Variants in RAB33A observed in about 807,000 individuals in gnomAD.
The protein encoded by RAB33A is ras-related protein Rab-33A.
Under a neutral mutation model 12.0 loss-of-function variants are expected in RAB33A, and 6 were observed. The ratio of observed to expected loss-of-function variants is 0.50; its 90% CI spans 0.27 to 0.99. The LOEUF (loss-of-function observed/expected upper bound fraction) is 0.99, where lower values mean the gene tolerates loss of function less well. RAB33A is among the 50% of genes least tolerant of loss of function. RAB33A has a pLI of 0.11. For synonymous variants in RAB33A, 70 were observed against 82.4 expected (o/e 0.85, Z 0.81); for missense variants, 109 against 192.0 (o/e 0.57, Z 2.55).
the RAB33A span, among the ~76,000 whole-genome samples, chrX:130,164,155 G>A: frequency 1.2e-4 from 11 of 88,679 alleles, no homozygotes; most frequent in East Asian, 3.2e-3. Context: ...GCGACAAAGC[G>A]AGACTCCGTC....
chrX:130,163,828 T>C, the RAB33A span, among the ~76,000 whole-genome samples: 4 of 111,360 alleles, frequency 3.6e-5, no homozygotes, highest in Admixed American at 9.6e-5. Flanking sequence ...GCAAAACAAC[T>C]ACTCAAAGTT....
the RAB33A span, among the ~76,000 whole-genome samples, chrX:130,153,504 C>T: frequency 3.5e-3 from 390 of 111,230 alleles, 2 homozygotes; most frequent in African/African-American, 0.012. Context: ...AAAAAAGTTA[C>T]GAAGAAACGC....
intron 1 of RAB33A, among the ~76,000 whole-genome samples, chrX:130,180,498 A>AG (rs1324943932): frequency 3.6e-5 from 4 of 110,503 alleles, no homozygotes; most frequent in Non-Finnish European, 7.6e-5. Flanking sequence ...TCTGTTGCCC[A>AG]GGCTGGAGTG....
chrX:130,128,329 T>G, the RAB33A span, among the ~76,000 whole-genome samples: 1 of 111,420 alleles, frequency 9.0e-6, no homozygotes, highest in Non-Finnish European at 1.9e-5. Context: ...CCCCAGCACT[T>G]TGGGAGGCCG....
the RAB33A span, chrX:130,155,172 C>A: frequency 1.7e-6 from 2 of 1,211,613 alleles, no homozygotes; most frequent in Non-Finnish European, 2.2e-6. Context: ...AACTCCTGCC[C>A]CAGTGACTGT....
the RAB33A span, among the ~76,000 whole-genome samples, chrX:130,152,969 T>C: frequency 9.0e-6 from 1 of 110,825 alleles, no homozygotes; most frequent in Non-Finnish European, 1.9e-5. Flanking sequence ...TTTTTATGTA[T>C]TTGTAGTCAT....
chrX:130,139,679 A>C, the RAB33A span: 1 of 652,617 alleles, frequency 1.5e-6, no homozygotes, highest in Non-Finnish European at 2.5e-6. Context: ...ACAAGTCTGG[A>C]GAAGAGCCAT....
the RAB33A span, among the ~76,000 whole-genome samples, chrX:130,147,127 A>G: frequency 9.0e-6 from 1 of 111,721 alleles, no homozygotes; most frequent in African/African-American, 3.3e-5. Flanking sequence ...GCGCCACTGC[A>G]CTCCAGCCTG....
chrX:130,184,176 A>C, intron 1 of RAB33A, 109 bp from the exon 2 acceptor site: 1 of 748,972 alleles, frequency 1.3e-6, no homozygotes, highest in South Asian at 2.7e-5. Context: ...GGCGTGAGCC[A>C]CCGCACCCGT....
chrX:130,171,080 G>A (rs993732083), upstream of RAB33A, among the ~76,000 whole-genome samples: 15 of 113,116 alleles, frequency 1.3e-4, no homozygotes, highest in African/African-American at 3.2e-5. Context: ...GTGATAAGGG[G>A]ATGTTGGCGC....
chrX:130,142,731 C>T, the RAB33A span, among the ~76,000 whole-genome samples: 3 of 111,493 alleles, frequency 2.7e-5, no homozygotes, highest in Non-Finnish European at 3.8e-5. Context: ...CTGCAACCTC[C>T]GCCTCCTGGG....
the RAB33A span, among the ~76,000 whole-genome samples, chrX:130,116,364 G>A: frequency 9.0e-6 from 1 of 111,113 alleles, no homozygotes; most frequent in African/African-American, 3.3e-5. Flanking sequence ...CGGGATCTTG[G>A]CTCACTGCAA....
At chrX:130,159,030 T>C in the RAB33A span, among the ~76,000 whole-genome samples, 66 of 111,990 alleles carry the variant, frequency 5.9e-4, no homozygotes, top group Non-Finnish European at 9.6e-4. Context: ...TTGAATTATC[T>C]GGTCTTAAGT....
At chrX:130,171,922 G>C (rs772744284), upstream of RAB33A, 50 of 736,213 alleles carry the variant, frequency 6.8e-5, no homozygotes, top group Non-Finnish European at 9.3e-5. Flanking sequence ...CGGTGCCGGC[G>C]CACGCACACA....
At chrX:130,159,838 T>C in the RAB33A span, among the ~76,000 whole-genome samples, 495 of 109,111 alleles carry the variant, frequency 4.5e-3, 3 homozygotes, top group African/African-American at 0.016. Context: ...CTTTTTTTTT[T>C]TGAGACAGGG....
chrX:130,153,178 CAAAA>C, the RAB33A span, among the ~76,000 whole-genome samples: 1 of 43,915 alleles, frequency 2.3e-5, no homozygotes, highest in African/African-American at 8.5e-5. Context: ...ACTAAAAATA[CAAAA>C]AAAAAAAAAA....
At chrX:130,170,054 A>G (rs1316427726), upstream of RAB33A, among the ~76,000 whole-genome samples, 1 of 112,463 alleles carries the variant, frequency 8.9e-6, no homozygotes, top group Non-Finnish European at 1.9e-5. Flanking sequence ...ATGATTTTGG[A>G]TTAGCCAACT....
At chrX:130,114,631 T>G in the RAB33A span, among the ~76,000 whole-genome samples, 2 of 111,988 alleles carry the variant, frequency 1.8e-5, no homozygotes, top group Non-Finnish European at 3.8e-5. Context: ...CTTCCAGCCC[T>G]GCTTCCCCCA....
chrX:130,175,031 AT>A, intron 1 of RAB33A, among the ~76,000 whole-genome samples: 1 of 111,688 alleles, frequency 9.0e-6, no homozygotes, highest in East Asian at 2.8e-4. Context: ...TATGTATTGA[AT>A]AAGCAAAGAG....
Sources: gnomAD v4.1 joint callset for allele counts (sites outside exome capture counted in the v4.1 genomes callset) on GRCh38, gnomAD v4.1.1 for gene constraint, MANE v1.5 for transcripts, NCBI Gene and HGNC (gene_info 2026-07-23, HGNC 2026-07-21) for gene names.